PRKCA: variants seen among roughly 807,000 people sequenced by gnomAD.
PRKCA encodes the protein protein kinase C alpha type.
PRKCA carries 27 observed loss-of-function variants against 87.0 expected under a neutral mutation model. That is an observed-to-expected ratio of 0.31 (90% CI 0.23 to 0.43). PRKCA has a LOEUF of 0.43. Among genes scored for constraint, PRKCA ranks in the 20% least tolerant of loss-of-function variants. PRKCA has a pLI of 1.00. For synonymous variants in PRKCA, 329 were observed against 311.1 expected, an observed-to-expected ratio of 1.06 and a Z score of -0.61; for missense variants, 518 against 852.3, an observed-to-expected ratio of 0.61 and a Z score of 4.88.
chr17:66,625,394 G>A (rs1324717473), intron 3 of PRKCA, among the ~76,000 whole-genome samples: 3 of 152,140 alleles, frequency 2.0e-5, no homozygotes, highest in African/African-American at 7.2e-5. Context: ...TCTCTACTCT[G>A]CTGGTGACAA....
At chr17:66,424,745 C>G (rs1912696603) in intron 2 of PRKCA, among the ~76,000 whole-genome samples, 1 of 151,584 alleles carries the variant, frequency 6.6e-6, no homozygotes, top group Admixed American at 6.6e-5. Context: ...TGCTGTTCCC[C>G]CCACCCCCAC....
chr17:66,629,695 G>A (rs1281063925), intron 3 of PRKCA, among the ~76,000 whole-genome samples: 2 of 152,140 alleles, frequency 1.3e-5, no homozygotes, highest in Non-Finnish European at 2.9e-5. Context: ...TAAAAAAATG[G>A]TATCACATTT....
intron 3 of PRKCA, among the ~76,000 whole-genome samples, chr17:66,586,988 C>G (rs1395818283): frequency 6.6e-6 from 1 of 152,138 alleles, no homozygotes; most frequent in Non-Finnish European, 1.5e-5. Flanking sequence ...CGCCATGTTG[C>G]TCCTACGATG....
chr17:66,544,650 TG>T (rs2143159870), intron 3 of PRKCA, among the ~76,000 whole-genome samples: 1 of 152,278 alleles, frequency 6.6e-6, no homozygotes, highest in Admixed American at 6.5e-5. Flanking sequence ...TGGAGTACTG[TG>T]GCATGATCTC....
At chr17:66,482,118 GA>G (rs1161026388) in intron 2 of PRKCA, among the ~76,000 whole-genome samples, 2 of 114,570 alleles carry the variant, frequency 1.7e-5, no homozygotes, top group Non-Finnish European at 3.7e-5. Flanking sequence ...AAAAAAAAAA[GA>G]AAAAAAGAAA....
intron 2 of PRKCA, among the ~76,000 whole-genome samples, chr17:66,377,348 G>A (rs1489201992): frequency 1.3e-5 from 2 of 151,730 alleles, no homozygotes; most frequent in East Asian, 1.9e-4. Context: ...ATTTTAGAGC[G>A]TTGTCAATCC....
At chr17:66,711,077 T>C (rs1030651536) in intron 8 of PRKCA, among the ~76,000 whole-genome samples, 14 of 151,102 alleles carry the variant, frequency 9.3e-5, no homozygotes, top group African/African-American at 3.0e-4. Context: ...AATAAATAAA[T>C]AAAATTTTAC....
chr17:66,404,897 A>C (rs975198241), intron 2 of PRKCA, among the ~76,000 whole-genome samples: 19 of 151,128 alleles, frequency 1.3e-4, no homozygotes, highest in Admixed American at 6.6e-4. Context: ...TTACAGGCGC[A>C]CGCCACCACG....
At chr17:66,664,154 C>T (rs994733451) in intron 5 of PRKCA, among the ~76,000 whole-genome samples, 12 of 152,260 alleles carry the variant, frequency 7.9e-5, no homozygotes, top group African/African-American at 2.9e-4. Context: ...AGGTGTGAGC[C>T]ACCGCGCCCA....
intron 2 of PRKCA, among the ~76,000 whole-genome samples, chr17:66,341,595 G>C (rs112841894): frequency 0.01 from 1,567 of 152,238 alleles, 32 homozygotes; most frequent in African/African-American, 0.036. Context: ...ACAATCCTAC[G>C]GTTTTGAGTA....
rs528925686 is a variant in PRKCA, at chr17:66,315,242, G to A, written c.205+9115G>A. Reference sequence around the variant, plus strand: ...AGAGATAGGCAGTGTTGTGATTCCCGTTTTACAGATGAGGAAACAGGCACT... The same window carrying A: ...AGAGATAGGCAGTGTTGTGATTCCCATTTTACAGATGAGGAAACAGGCACT... On this transcript the variant is annotated intron_variant, in intron 2 of 16. Coordinates refer to ENST00000413366, the MANE Select transcript of PRKCA (RefSeq NM_002737.3). Among the ~76,000 whole-genome samples the A allele has an allele frequency of 3.2e-4, 49 of 152,166 alleles. No homozygotes were observed. In the South Asian group the frequency reaches 8.9e-3, roughly 28 times the overall value.
intron 2 of PRKCA, among the ~76,000 whole-genome samples, chr17:66,383,837 C>G (rs1250849359): frequency 1.3e-5 from 2 of 151,948 alleles, no homozygotes; most frequent in African/African-American, 4.8e-5. Flanking sequence ...CCTGTAATCC[C>G]AGCCACTTGG....
chr17:66,314,081 C>T (rs1031249269), intron 2 of PRKCA, among the ~76,000 whole-genome samples: 2 of 152,142 alleles, frequency 1.3e-5, no homozygotes, highest in Non-Finnish European at 2.9e-5. Flanking sequence ...CTTAACCAGG[C>T]TGGTGGGGCG....
chr17:66,554,622 T>TC lies in PRKCA; in HGVS notation c.288+58339_288+58340insC, dbSNP rs2143248983. 2.5e-6 allele frequency: 2 copies of TC among 790,046 alleles called. 1 individual carries two copies. The highest frequency in any genetic ancestry group is 3.1e-6 in the Non-Finnish European group (2 of 650,688). The allele number at this position is 790,046 out of a possible 1,614,324, so 48.9% of individuals were successfully genotyped here. On this transcript the variant is annotated intron_variant, in intron 3 of 16. Coordinates refer to ENST00000413366, the MANE Select transcript of PRKCA (RefSeq NM_002737.3). ...TTAATTTTAAAGGACTTTTTTTTGGTGGGGGGCACTAGCAAATAAATTAAA... is the reference window on the plus strand; with the variant it reads ...TTAATTTTAAAGGACTTTTTTTTGGTCGGGGGGCACTAGCAAATAAATTAAA...
intron 2 of PRKCA, among the ~76,000 whole-genome samples, chr17:66,479,802 A>G (rs1475935958): frequency 6.6e-6 from 1 of 152,174 alleles, no homozygotes; most frequent in Non-Finnish European, 1.5e-5. Context: ...ACAGCTAAAC[A>G]ATGAGAACAC....
chr17:66,775,337 GA>G (rs1379125205), intron 14 of PRKCA: 34 of 985,194 alleles, frequency 3.5e-5, no homozygotes, highest in Non-Finnish European at 4.1e-5. Flanking sequence ...GCCGAGCACA[GA>G]TCAGTTACAT....
At chr17:66,305,860 A>T (rs1332512137) in intron 1 of PRKCA, among the ~76,000 whole-genome samples, 7 of 152,228 alleles carry the variant, frequency 4.6e-5, no homozygotes, top group African/African-American at 1.7e-4. Context: ...AAAATTGGAA[A>T]AAAGGTTGAT....
intron 2 of PRKCA, among the ~76,000 whole-genome samples, chr17:66,375,403 C>T (rs758529748): frequency 2.6e-5 from 4 of 152,158 alleles, no homozygotes; most frequent in Non-Finnish European, 4.4e-5. Flanking sequence ...CCTACATGGG[C>T]TGTATAGTGA....
At chr17:66,651,513 A>G (rs1971590565) in intron 5 of PRKCA, among the ~76,000 whole-genome samples, 1 of 152,212 alleles carries the variant, frequency 6.6e-6, no homozygotes, top group Non-Finnish European at 1.5e-5. Flanking sequence ...AGCTTTGCAC[A>G]GGTACCTTTT....
Sources: gnomAD v4.1 joint callset for allele counts (sites outside exome capture counted in the v4.1 genomes callset) on GRCh38, gnomAD v4.1.1 for gene constraint, MANE v1.5 for transcripts, NCBI Gene and HGNC (gene_info 2026-07-23, HGNC 2026-07-21) for gene names.